Variants in SCHIP1 observed in about 807,000 individuals in gnomAD.
SCHIP1 encodes the protein schwannomin-interacting protein 1.
Under a neutral mutation model 29.7 loss-of-function variants are expected in SCHIP1, and 8 were observed. The observed-to-expected ratio is 0.27, with a 90% CI of 0.16 to 0.49. SCHIP1 has a LOEUF of 0.49. SCHIP1 is among the 20% of genes least tolerant of loss of function. SCHIP1 has a pLI of 0.99. For missense variants in SCHIP1, 193 were observed against 294.6 expected, an observed-to-expected ratio of 0.66 and a Z score of 2.52; for synonymous variants, 76 against 94.9, an observed-to-expected ratio of 0.80 and a Z score of 1.16.
the SCHIP1 span, among the ~76,000 whole-genome samples, chr3:159,458,850 A>T: frequency 6.6e-6 from 1 of 152,194 alleles, no homozygotes; most frequent in Non-Finnish European, 1.5e-5. Flanking sequence ...AAGTGAAAAA[A>T]CAAAATCCTA....
chr3:159,476,806 ATACAGACATTT>A, the SCHIP1 span, among the ~76,000 whole-genome samples: 203 of 152,274 alleles, frequency 1.3e-3, no homozygotes, highest in South Asian at 0.024. Flanking sequence ...ACCATTTTGT[ATACAGACATTT>A]GAAATTTACT....
the SCHIP1 span, among the ~76,000 whole-genome samples, chr3:159,660,104 T>C: frequency 6.6e-6 from 1 of 152,132 alleles, no homozygotes; most frequent in East Asian, 1.9e-4. Flanking sequence ...AATTAGAGTA[T>C]TTTTGAACTC....
chr3:159,764,795 C>T, the SCHIP1 span: 3 of 1,568,224 alleles, frequency 1.9e-6, no homozygotes, highest in Admixed American at 5.5e-5. The surrounding 1 kb of genome is among the most constrained non-coding windows in gnomAD (Gnocchi z 6.1). Flanking sequence ...GGCAGGAGCG[C>T]CACCACCGCC....
chr3:159,328,052 A>G, the SCHIP1 span, among the ~76,000 whole-genome samples: 49 of 152,232 alleles, frequency 3.2e-4, no homozygotes, highest in Non-Finnish European at 5.6e-4. Context: ...ACTATGTCCC[A>G]GATCCTTTAT....
the SCHIP1 span, among the ~76,000 whole-genome samples, chr3:159,660,087 C>A: frequency 6.6e-6 from 1 of 152,098 alleles, no homozygotes; most frequent in Non-Finnish European, 1.5e-5. Context: ...ATGTTTGATG[C>A]CCAGTGAATT....
chr3:159,328,458 A>G, the SCHIP1 span, among the ~76,000 whole-genome samples: 1 of 152,198 alleles, frequency 6.6e-6, no homozygotes, highest in Non-Finnish European at 1.5e-5. Context: ...ACAGTGGTCA[A>G]ATATAGTAGG....
the SCHIP1 span, among the ~76,000 whole-genome samples, chr3:159,712,771 G>A: frequency 6.6e-6 from 1 of 150,728 alleles, no homozygotes; most frequent in Non-Finnish European, 1.5e-5. Flanking sequence ...GAAAGGAAGA[G>A]AGAGAGGAAG....
the SCHIP1 span, among the ~76,000 whole-genome samples, chr3:159,609,026 T>C: frequency 6.6e-6 from 1 of 152,218 alleles, no homozygotes; most frequent in Non-Finnish European, 1.5e-5. Context: ...TACTAATTTC[T>C]AGGGATTCAA....
the SCHIP1 span, among the ~76,000 whole-genome samples, chr3:159,409,304 A>T: frequency 7.0e-6 from 1 of 143,328 alleles, no homozygotes; most frequent in Non-Finnish European, 1.5e-5. Context: ...CAGACAATAG[A>T]AAAAAAAAGG....
At chr3:159,582,285 TCCTGA>T in the SCHIP1 span, among the ~76,000 whole-genome samples, 16 of 152,118 alleles carry the variant, frequency 1.1e-4, no homozygotes, top group Non-Finnish European at 2.1e-4. Context: ...ATCTCCCACC[TCCTGA>T]GTAGCTGGGA....
At chr3:159,783,084 A>G in the SCHIP1 span, among the ~76,000 whole-genome samples, 2 of 152,222 alleles carry the variant, frequency 1.3e-5, no homozygotes, top group African/African-American at 4.8e-5. Flanking sequence ...TCATTTACTT[A>G]TTCACTTAAT....
At chr3:159,634,676 G>T in the SCHIP1 span, among the ~76,000 whole-genome samples, 1 of 152,156 alleles carries the variant, frequency 6.6e-6, no homozygotes, top group African/African-American at 2.4e-5. Context: ...GGAATTGCAG[G>T]TTGTTCTCAG....
At chr3:159,314,197 A>G in the SCHIP1 span, among the ~76,000 whole-genome samples, 1 of 152,210 alleles carries the variant, frequency 6.6e-6, no homozygotes. Flanking sequence ...TGCTGGCCCT[A>G]CAACCTCAGC....
At chr3:159,477,768 C>T in the SCHIP1 span, among the ~76,000 whole-genome samples, 2 of 152,068 alleles carry the variant, frequency 1.3e-5, no homozygotes, top group African/African-American at 4.8e-5. Flanking sequence ...TGTGCAAAAA[C>T]TTTTTAGCTT....
At chr3:159,652,558 AAGCGG>A in the SCHIP1 span, among the ~76,000 whole-genome samples, 250 of 152,288 alleles carry the variant, frequency 1.6e-3, 6 homozygotes, top group South Asian at 0.051. Flanking sequence ...ACAAACAAGG[AAGCGG>A]ATATGTAAAC....
At chr3:159,606,550 T>C in the SCHIP1 span, among the ~76,000 whole-genome samples, 2 of 151,932 alleles carry the variant, frequency 1.3e-5, no homozygotes, top group Non-Finnish European at 2.9e-5. Flanking sequence ...CCAAGATAGT[T>C]TGAGAAATTT....
chr3:159,442,654 T>G, the SCHIP1 span, among the ~76,000 whole-genome samples: 2 of 152,212 alleles, frequency 1.3e-5, no homozygotes, highest in African/African-American at 2.4e-5. Context: ...GGTACCCACC[T>G]GGTCAGATCC....
the SCHIP1 span, among the ~76,000 whole-genome samples, chr3:159,800,117 A>T: frequency 8.5e-5 from 13 of 152,240 alleles, no homozygotes; most frequent in Non-Finnish European, 1.0e-4. Context: ...AGGGTATGGT[A>T]GTGAACAAAA....
At chr3:159,620,105 A>G in the SCHIP1 span, among the ~76,000 whole-genome samples, 3 of 152,196 alleles carry the variant, frequency 2.0e-5, no homozygotes, top group African/African-American at 7.2e-5. Context: ...TCAGCTGGAG[A>G]TAGACCAGTG....
Sources: gnomAD v4.1 joint callset for allele counts (sites outside exome capture counted in the v4.1 genomes callset) on GRCh38, gnomAD v4.1.1 for gene constraint, Gnocchi (gnomAD v3.1) non-coding constraint, MANE v1.5 for transcripts, NCBI Gene and HGNC (gene_info 2026-07-23, HGNC 2026-07-21) for gene names.